Variants in ARHGAP6 observed in about 807,000 individuals in gnomAD.
ARHGAP6 encodes the protein Rho GTPase activating protein 6.
Under a neutral mutation model 55.7 loss-of-function variants are expected in ARHGAP6, and 16 were observed. The ratio of observed to expected loss-of-function variants is 0.29; its 90% CI spans 0.19 to 0.44. The LOEUF (loss-of-function observed/expected upper bound fraction) is 0.44. Among genes scored for constraint, ARHGAP6 ranks in the 20% least tolerant of loss-of-function variants. The pLI is 1.00. For missense variants in ARHGAP6, 698 were observed against 808.9 expected (o/e 0.86, Z 1.66); for synonymous variants, 382 against 360.9 (o/e 1.06, Z -0.66).
At chrX:11,523,338 C>T (rs2050954222) in intron 1 of ARHGAP6, among the ~76,000 whole-genome samples, 2 of 110,687 alleles carry the variant, frequency 1.8e-5, no homozygotes, top group South Asian at 7.7e-4. Context: ...ACAGGGATGC[C>T]CTCTCTCACC....
At chrX:11,516,035 G>A (rs2050835598) in intron 1 of ARHGAP6, among the ~76,000 whole-genome samples, 2 of 112,334 alleles carry the variant, frequency 1.8e-5, no homozygotes, top group South Asian at 7.3e-4. Context: ...AAGGTCTCCT[G>A]TCAATCTACT....
At chrX:11,518,671 A>G (rs770613858) in intron 1 of ARHGAP6, among the ~76,000 whole-genome samples, 60 of 102,934 alleles carry the variant, frequency 5.8e-4, no homozygotes, top group African/African-American at 2.0e-3. Flanking sequence ...TTTAGGGTAC[A>G]TGTGCACATT....
At chrX:11,633,793 G>A (rs778360249) in intron 1 of ARHGAP6, among the ~76,000 whole-genome samples, 2 of 111,577 alleles carry the variant, frequency 1.8e-5, no homozygotes, top group South Asian at 7.5e-4. Flanking sequence ...GAATGGATGT[G>A]GCTTTTTGTT....
At chrX:11,597,406 A>G (rs1017151777) in intron 1 of ARHGAP6, among the ~76,000 whole-genome samples, 19 of 112,143 alleles carry the variant, frequency 1.7e-4, no homozygotes, top group African/African-American at 5.5e-4. Context: ...CCACTGAGAA[A>G]TATCTCAGTA....
At chrX:11,142,487 A>C (rs1286072272) in intron 11 of ARHGAP6, 174 bp from the exon 12 acceptor site, 1 of 248,738 alleles carries the variant, frequency 4.0e-6, no homozygotes, top group African/African-American at 2.8e-5. Flanking sequence ...GGGATTTACA[A>C]AAAGGCCCTT....
intron 9 of ARHGAP6, among the ~76,000 whole-genome samples, chrX:11,158,253 G>T (rs2045891208): frequency 8.9e-6 from 1 of 111,788 alleles, no homozygotes; most frequent in Non-Finnish European, 1.9e-5. Context: ...TCCATCAGAG[G>T]CAATGAAAAC....
intron 1 of ARHGAP6, among the ~76,000 whole-genome samples, chrX:11,449,511 C>G (rs2050124130): frequency 1.8e-5 from 2 of 112,151 alleles, no homozygotes; most frequent in South Asian, 7.4e-4. Flanking sequence ...CACACCTCCA[C>G]TAGTGGAGCC....
chrX:11,422,012 C>T (rs1392734191), intron 1 of ARHGAP6, among the ~76,000 whole-genome samples: 1 of 111,962 alleles, frequency 8.9e-6, no homozygotes, highest in Admixed American at 9.5e-5. Flanking sequence ...TACCCTGTGC[C>T]AGGACCTGCT....
chrX:11,142,315 T>C lies in ARHGAP6; in HGVS notation c.2177-2A>G. ...TATCGAAAGGCTCCTCTGACAGATC[T>C]AGGGAAAAAGTGTATAAAAAGGTAT... On this transcript the variant is annotated splice_acceptor_variant, in intron 11 of 12. Transcript: ENST00000337414. LOFTEE classifies it high-confidence loss of function. 1 of 1,178,820 alleles carries C rather than the reference T, an allele frequency of 8.5e-7. No homozygotes were observed. Among genetic ancestry groups the C allele is most frequent in the Non-Finnish European group, 1.1e-6 (1 of 873,686 alleles).
intron 1 of ARHGAP6, among the ~76,000 whole-genome samples, chrX:11,435,575 T>C (rs1030555411): frequency 4.5e-5 from 5 of 111,926 alleles, no homozygotes; most frequent in East Asian, 2.8e-4. Context: ...CACCACACCA[T>C]TGACATTTTT....
intron 1 of ARHGAP6, among the ~76,000 whole-genome samples, chrX:11,383,380 T>G (rs2049285768): frequency 9.0e-6 from 1 of 111,609 alleles, no homozygotes; most frequent in Non-Finnish European, 1.9e-5. Flanking sequence ...ATTCTAAAAT[T>G]AAGAGTTAGG....
chrX:11,365,986 G>T (rs1421474064), intron 1 of ARHGAP6, among the ~76,000 whole-genome samples: 1 of 112,027 alleles, frequency 8.9e-6, no homozygotes, highest in Non-Finnish European at 1.9e-5. Flanking sequence ...TTCTCACTGT[G>T]TTCTCACATG....
chrX:11,302,000 G>A (rs2048180306), intron 1 of ARHGAP6, among the ~76,000 whole-genome samples: 1 of 112,218 alleles, frequency 8.9e-6, no homozygotes, highest in Non-Finnish European at 1.9e-5. Context: ...CAGATACGTA[G>A]TGTGATAATA....
intron 2 of ARHGAP6, chrX:11,225,868 G>A (rs1410726132): frequency 4.7e-6 from 1 of 213,473 alleles, no homozygotes; most frequent in African/African-American, 3.0e-5. Context: ...TTTTTGATCA[G>A]TTTGACTTTA....
Position 11,199,517 on chromosome X carries a change from T to C in ARHGAP6, c.749-2521A>G, listed in dbSNP as rs1055279660. Among the ~76,000 whole-genome samples the C allele has an allele frequency of 3.6e-5, 4 of 112,476 alleles. No individual in the cohort carries two copies. In the Admixed American group the frequency reaches 3.8e-4, roughly 11 times the overall value. ...TCTGGAACCACCACTCCAGGGTGTA[T>C]ATGTAAAAGTTGCATTGCTGGATCT... is the stretch of plus-strand genomic sequence containing the variant. On this transcript the variant is annotated intron_variant, in intron 2 of 12. Transcript: ENST00000337414.
intron 1 of ARHGAP6, among the ~76,000 whole-genome samples, chrX:11,564,688 A>G (rs181273369): frequency 8.9e-6 from 1 of 112,060 alleles, no homozygotes; most frequent in African/African-American, 3.2e-5. Context: ...ATGTAGTAAC[A>G]TTTTTATACA....
intron 1 of ARHGAP6, among the ~76,000 whole-genome samples, chrX:11,392,095 T>C (rs1228402394): frequency 8.9e-6 from 1 of 112,481 alleles, no homozygotes; most frequent in Non-Finnish European, 1.9e-5. Context: ...CACATATCTT[T>C]GGCTTATCTT....
At chrX:11,468,708 A>T (rs1394373033) in intron 1 of ARHGAP6, among the ~76,000 whole-genome samples, 1 of 112,499 alleles carries the variant, frequency 8.9e-6, no homozygotes, top group East Asian at 2.8e-4. Flanking sequence ...CCAGTTTGAG[A>T]AAATTTCTTC....
At chrX:11,182,689 A>T (rs1187395938) in intron 5 of ARHGAP6, among the ~76,000 whole-genome samples, 1 of 88,993 alleles carries the variant, frequency 1.1e-5, no homozygotes, top group Non-Finnish European at 2.1e-5. Context: ...AGGCTGGAGT[A>T]CAGTGACGTG....
Sources: gnomAD v4.1 joint callset for allele counts (sites outside exome capture counted in the v4.1 genomes callset) on GRCh38, gnomAD v4.1.1 for gene constraint, MANE v1.5 for transcripts, NCBI Gene and HGNC (gene_info 2026-07-23, HGNC 2026-07-21) for gene names.